DPY19L4: variants seen among roughly 807,000 people sequenced by gnomAD.
DPY19L4 encodes probable C-mannosyltransferase DPY19L4.
Under a neutral mutation model 102.8 loss-of-function variants are expected in DPY19L4, and 97 were observed. The ratio of observed to expected loss-of-function variants is 0.94; its 90% CI spans 0.80 to 1.12. The LOEUF (loss-of-function observed/expected upper bound fraction) is 1.12, where lower values mean the gene tolerates loss of function less well. Among genes scored for constraint, DPY19L4 ranks in the 50% most tolerant of loss-of-function variants. The probability of loss-of-function intolerance (pLI) is 0.00; values close to 1 mark genes in which losing one functional copy is unlikely to be tolerated. For missense variants in DPY19L4, 815 were observed against 850.4 expected (o/e 0.96, Z 0.52); for synonymous variants, 252 against 283.1 (o/e 0.89, Z 1.10).
At chr8:94,733,421 G>C (rs563766216) in intron 2 of DPY19L4, among the ~76,000 whole-genome samples, 1 of 152,184 alleles carries the variant, frequency 6.6e-6, no homozygotes, top group Admixed American at 6.5e-5. Flanking sequence ...CACCGTGCCA[G>C]GCCCATCTTA....
rs1329319719 is a variant in DPY19L4, at chr8:94,789,848, G to A, written c.2110G>A (p.Val704Ile). The stretch of plus-strand genomic sequence containing the variant: ...TCCATATGTGAATTATTTCACTAGA[G>A]TATACTGGAACAGATCCTACTTTGT... Reference protein sequence around the residue: ...YSPYVNYFTRVYWNRSYFVYK... With the variant: ...YSPYVNYFTRIYWNRSYFVYK... The change falls in exon 19 of 19, where the codon GTA becomes ATA. Residue 704 changes from valine to isoleucine, a missense_variant. Coordinates refer to ENST00000414645, the MANE Select transcript of DPY19L4 (RefSeq NM_181787.3). 2.5e-6 allele frequency: 4 copies of A among 1,610,584 alleles called. No homozygotes were observed. The highest frequency in any genetic ancestry group is 3.4e-6 in the Non-Finnish European group (4 of 1,178,848).
chr8:94,757,701 C>T (rs946791519), intron 7 of DPY19L4, among the ~76,000 whole-genome samples: 6 of 152,080 alleles, frequency 3.9e-5, no homozygotes, highest in Admixed American at 2.0e-4. Context: ...TGAGCCACTG[C>T]GCCTGGCCAA....
intron 8 of DPY19L4, 110 bp from the exon 9 acceptor site, chr8:94,765,073 T>C: frequency 1.2e-6 from 1 of 824,076 alleles, no homozygotes; most frequent in Non-Finnish European, 1.8e-6. Context: ...CTTTCCTAAA[T>C]TATAGTAGAG....
At chr8:94,759,516 T>C (rs1423344628) in intron 7 of DPY19L4, among the ~76,000 whole-genome samples, 2 of 145,344 alleles carry the variant, frequency 1.4e-5, no homozygotes, top group Non-Finnish European at 3.0e-5. Context: ...TTTTTTTTTT[T>C]TTTTTTTGAG....
intron 6 of DPY19L4, among the ~76,000 whole-genome samples, chr8:94,741,557 C>A (rs1266321057): frequency 6.6e-6 from 1 of 152,102 alleles, no homozygotes; most frequent in African/African-American, 2.4e-5. Flanking sequence ...AATTTAATAG[C>A]TTTCTCAGTG....
At chr8:94,757,430 CAG>C (rs1812208685) in intron 7 of DPY19L4, among the ~76,000 whole-genome samples, 5 of 151,068 alleles carry the variant, frequency 3.3e-5, no homozygotes, top group Admixed American at 3.3e-4. Context: ...TTTTTTTAGA[CAG>C]AGTCTTGCTA....
intron 11 of DPY19L4, among the ~76,000 whole-genome samples, chr8:94,767,528 G>A (rs927984079): frequency 1.3e-5 from 2 of 152,190 alleles, no homozygotes; most frequent in Admixed American, 6.5e-5. Flanking sequence ...CTCCTGACTC[G>A]TGATCTGCCC....
At chr8:94,762,265 G>A (rs1331353356) in intron 8 of DPY19L4, among the ~76,000 whole-genome samples, 1 of 150,392 alleles carries the variant, frequency 6.6e-6, no homozygotes, top group African/African-American at 2.5e-5. Context: ...TTCTTGAGCT[G>A]GAAGATGTGA....
chr8:94,761,954 TTTAAG>T lies in DPY19L4; in HGVS notation c.870+124_870+128del, dbSNP rs1351945148. The T allele has an allele frequency of 1.1e-5, 11 of 1,018,156 alleles. No homozygotes were observed. The African/African-American group carries it at 1.8e-4, about 17-fold the overall frequency. The allele number at this position is 1,018,156 out of a possible 1,614,324, so 63.1% of individuals were successfully genotyped here. On this transcript the variant is annotated intron_variant, in intron 8 of 18. Transcript: ENST00000414645. Reference sequence around the variant, plus strand: ...TATGGGAACCCCGATGCATACAATATTTAAGTTATTTGGACAGAGAGAAGTTAATA... The same window carrying T: ...TATGGGAACCCCGATGCATACAATATTTATTTGGACAGAGAGAAGTTAATA...
At chr8:94,761,880 T>G (rs753754729) in intron 8 of DPY19L4, 46 bp downstream of exon 8, 1 of 1,557,508 alleles carries the variant, frequency 6.4e-7, no homozygotes, top group Non-Finnish European at 8.7e-7. Flanking sequence ...AATAAATGTA[T>G]TTATAGCATT....
At chr8:94,744,248 C>T in intron 6 of DPY19L4, 1 of 418,250 alleles carries the variant, frequency 2.4e-6, no homozygotes, top group South Asian at 1.7e-5. Context: ...CATCTGCTTC[C>T]AAGCTCACTC....
chr8:94,777,586 G>A (rs1813240015), intron 13 of DPY19L4, 80 bp from the exon 14 acceptor site: 1 of 1,505,496 alleles, frequency 6.6e-7, no homozygotes, highest in Non-Finnish European at 8.9e-7. Flanking sequence ...TGAGTAGTAG[G>A]AAAGAGCTCA....
chr8:94,789,380 G>T (rs181686101), intron 18 of DPY19L4, among the ~76,000 whole-genome samples: 3 of 152,126 alleles, frequency 2.0e-5, no homozygotes, highest in African/African-American at 7.2e-5. Context: ...AATTCTACAC[G>T]AGAAGAGTGA....
intron 1 of DPY19L4, among the ~76,000 whole-genome samples, chr8:94,723,194 C>T (rs562745622): frequency 1.3e-5 from 2 of 152,266 alleles, no homozygotes; most frequent in South Asian, 4.1e-4. Context: ...AAGGAGTGGC[C>T]GGGCGTGGTG....
intron 17 of DPY19L4, among the ~76,000 whole-genome samples, chr8:94,785,134 C>T (rs1458781840): frequency 6.6e-6 from 1 of 152,148 alleles, no homozygotes; most frequent in African/African-American, 2.4e-5. Context: ...GTATTAGCTT[C>T]GTGACCTTAA....
chr8:94,764,462 G>A (rs1258617406), intron 8 of DPY19L4, among the ~76,000 whole-genome samples: 1 of 150,904 alleles, frequency 6.6e-6, no homozygotes, highest in Non-Finnish European at 1.5e-5. Flanking sequence ...TGTAGTCCCA[G>A]CTACTCGGGA....
At chr8:94,733,530 T>C (rs1811060356) in intron 2 of DPY19L4, among the ~76,000 whole-genome samples, 1 of 151,854 alleles carries the variant, frequency 6.6e-6, no homozygotes, top group Non-Finnish European at 1.5e-5. Flanking sequence ...CTTTAAATTT[T>C]ATCTTATTTT....
intron 6 of DPY19L4, among the ~76,000 whole-genome samples, chr8:94,746,956 G>T (rs1811700838): frequency 6.6e-6 from 1 of 152,088 alleles, no homozygotes; most frequent in Admixed American, 6.6e-5. Flanking sequence ...CTGTACAACT[G>T]GGTGCTGTGA....
At chr8:94,768,292 G>T in intron 11 of DPY19L4, 103 bp from the exon 12 acceptor site, 1 of 877,682 alleles carries the variant, frequency 1.1e-6, no homozygotes, top group East Asian at 2.6e-5. Flanking sequence ...AACGGGTTTA[G>T]GAAATGTGTT....
Sources: allele counts gnomAD v4.1 joint callset (sites outside exome capture counted in the v4.1 genomes callset), GRCh38; gene constraint gnomAD v4.1.1; transcripts MANE v1.5; gene names NCBI Gene and HGNC (gene_info 2026-07-23, HGNC 2026-07-21).